Variants in EXOC6B observed in about 807,000 individuals in gnomAD.
EXOC6B encodes the protein exocyst complex component 6B, also known as SEC15 homolog B.
A neutral mutation model predicts 113.5 loss-of-function variants in EXOC6B; 54 were observed. That is an observed-to-expected ratio of 0.48 (90% CI 0.38 to 0.60). The LOEUF (loss-of-function observed/expected upper bound fraction) is 0.60. EXOC6B is among the 20% of genes least tolerant of loss of function. The pLI is 0.00. For missense variants in EXOC6B, 797 were observed against 977.5 expected, an observed-to-expected ratio of 0.82 and a Z score of 2.46; for synonymous variants, 357 against 339.0, an observed-to-expected ratio of 1.05 and a Z score of -0.58.
At chr2:72,431,485 TTATCTATCTATCTATC>T (rs3062440) in intron 18 of EXOC6B, among the ~76,000 whole-genome samples, 20 of 133,890 alleles carry the variant, frequency 1.5e-4, no homozygotes, top group East Asian at 8.9e-4. Flanking sequence ...CTTGATTTCT[TTATCTATCTATCTATC>T]TATCTATCTA....
intron 6 of EXOC6B, among the ~76,000 whole-genome samples, chr2:72,661,036 C>A (rs1401752216): frequency 6.6e-6 from 1 of 152,126 alleles, no homozygotes; most frequent in South Asian, 2.1e-4. Flanking sequence ...AAAAGTGGCA[C>A]TGGCCACTAA....
chr2:72,251,862 A>T (rs775016709), intron 20 of EXOC6B, among the ~76,000 whole-genome samples: 40 of 152,198 alleles, frequency 2.6e-4, no homozygotes, highest in Admixed American at 9.2e-4. Context: ...ATCAACATCA[A>T]CATTAGATAA....
intron 19 of EXOC6B, among the ~76,000 whole-genome samples, chr2:72,375,012 AG>A (rs1270564737): frequency 1.3e-5 from 2 of 151,688 alleles, no homozygotes; most frequent in Admixed American, 1.3e-4. Flanking sequence ...AAGGAAGTTG[AG>A]TGGGTCAATA....
chr2:72,428,883 C>A (rs1304832236), intron 18 of EXOC6B, among the ~76,000 whole-genome samples: 3 of 152,184 alleles, frequency 2.0e-5, no homozygotes, highest in Non-Finnish European at 4.4e-5. Context: ...CAGCAATCAG[C>A]TCAATCAGTC....
At chr2:72,631,796 G>T (rs750586084) in intron 6 of EXOC6B, among the ~76,000 whole-genome samples, 31 of 151,956 alleles carry the variant, frequency 2.0e-4, no homozygotes, top group Non-Finnish European at 3.5e-4. Flanking sequence ...GAGCCACCAC[G>T]CCTGGCCCAC....
intron 18 of EXOC6B, among the ~76,000 whole-genome samples, chr2:72,430,790 T>C (rs1695476101): frequency 6.6e-6 from 1 of 152,194 alleles, no homozygotes; most frequent in Non-Finnish European, 1.5e-5. Context: ...GGAAAATAAA[T>C]GGGCAGAAGA....
chr2:72,611,367 C>A lies in EXOC6B; in HGVS notation c.670-35699G>T, dbSNP rs538931480. The stretch of plus-strand genomic sequence containing the variant: ...AGCAAGACTGTCTCAAAAAAAAAAA[C>A]AAAAAAAGGCTTGTCAAGGTCATGA... On this transcript the variant is annotated intron_variant, in intron 6 of 21. Transcript: ENST00000272427. Among the ~76,000 whole-genome samples, 694 of 148,650 alleles carry A rather than the reference C, an allele frequency of 4.7e-3. 4 individuals carry two copies. The highest frequency in any genetic ancestry group is 0.016 in the African/African-American group (635 of 40,290).
intron 6 of EXOC6B, among the ~76,000 whole-genome samples, chr2:72,628,731 C>A (rs1282021232): frequency 6.6e-6 from 1 of 152,132 alleles, no homozygotes; most frequent in African/African-American, 2.4e-5. Context: ...CAGAACCCAA[C>A]CATGCTGGCA....
At chr2:72,477,365 G>T (rs949183944) in intron 17 of EXOC6B, among the ~76,000 whole-genome samples, 2 of 152,034 alleles carry the variant, frequency 1.3e-5, no homozygotes, top group African/African-American at 4.8e-5. Context: ...TTTGACTCCT[G>T]TCTTTCTCTT....
At chr2:72,727,012 T>C (rs1680340016) in intron 5 of EXOC6B, among the ~76,000 whole-genome samples, 1 of 152,140 alleles carries the variant, frequency 6.6e-6, no homozygotes, top group Admixed American at 6.6e-5. Flanking sequence ...TGTACGCAAA[T>C]ACCATGCCAT....
chr2:72,237,705 T>C (rs1343060917), intron 20 of EXOC6B, among the ~76,000 whole-genome samples: 1 of 152,230 alleles, frequency 6.6e-6, no homozygotes, highest in African/African-American at 2.4e-5. Context: ...TATGACTCTT[T>C]GATTTCTGCT....
chr2:72,730,577 G>GACACACACAC (rs1288008767), intron 5 of EXOC6B, among the ~76,000 whole-genome samples: 2 of 69,634 alleles, frequency 2.9e-5, no homozygotes, highest in African/African-American at 1.1e-4. Flanking sequence ...TAAACAGACA[G>GACACACACAC]AGACACACAC....
At chr2:72,329,716 T>C (rs935838116) in intron 20 of EXOC6B, among the ~76,000 whole-genome samples, 3 of 152,078 alleles carry the variant, frequency 2.0e-5, no homozygotes, top group Non-Finnish European at 4.4e-5. Context: ...CAGTTCTACA[T>C]AGTTAAGTTC....
chr2:72,513,356 G>A, intron 10 of EXOC6B, 104 bp from the exon 11 acceptor site: 2 of 1,421,760 alleles, frequency 1.4e-6, no homozygotes, highest in Non-Finnish European at 1.9e-6. Context: ...TGCAAAGTTA[G>A]TGGTCATTTT....
intron 6 of EXOC6B, among the ~76,000 whole-genome samples, chr2:72,669,044 A>G (rs1190723295): frequency 6.6e-6 from 1 of 152,194 alleles, no homozygotes; most frequent in East Asian, 1.9e-4. Flanking sequence ...TTTTGATCAC[A>G]CTATTGCATT....
At chr2:72,625,008 C>G (rs979038204) in intron 6 of EXOC6B, among the ~76,000 whole-genome samples, 2 of 146,790 alleles carry the variant, frequency 1.4e-5, no homozygotes, top group Admixed American at 1.4e-4. Context: ...TGATAACAGC[C>G]TAGCAACCTG....
At chr2:72,464,121 A>G (rs1367565690) in intron 18 of EXOC6B, 1 of 152,192 alleles carries the variant, frequency 6.6e-6, no homozygotes, top group East Asian at 1.9e-4. Flanking sequence ...TTTTTGGGGT[A>G]CACAAACATT....
chr2:72,198,937 G>A (rs1184521994), intron 20 of EXOC6B, among the ~76,000 whole-genome samples: 1 of 152,132 alleles, frequency 6.6e-6, no homozygotes, highest in Non-Finnish European at 1.5e-5. Context: ...GTGTGACAAG[G>A]GCTGGTTGAA....
intron 18 of EXOC6B, among the ~76,000 whole-genome samples, chr2:72,393,391 G>A (rs1308738203): frequency 2.0e-5 from 3 of 152,032 alleles, no homozygotes; most frequent in Non-Finnish European, 2.9e-5. Context: ...ACCATGTCTG[G>A]CCAAAGATTT....
Sources: gnomAD v4.1 joint callset for allele counts (sites outside exome capture counted in the v4.1 genomes callset) on GRCh38, gnomAD v4.1.1 for gene constraint, MANE v1.5 for transcripts, NCBI Gene and HGNC (gene_info 2026-07-23, HGNC 2026-07-21) for gene names.